Variants in GABRG3 observed in about 807,000 individuals in gnomAD.
The protein encoded by GABRG3 is gamma-aminobutyric acid type A receptor subunit gamma3, also known as gamma-aminobutyric acid receptor subunit gamma-3.
In GABRG3, 25 loss-of-function variants were observed where a neutral mutation model predicts 48.8. The ratio of observed to expected loss-of-function variants is 0.51; its 90% CI spans 0.37 to 0.72. The LOEUF is 0.72. GABRG3 is among the 30% of genes least tolerant of loss of function. GABRG3 has a pLI of 0.00. For synonymous variants in GABRG3, 227 were observed against 217.6 expected (o/e 1.04, Z -0.38); for missense variants, 394 against 577.9 (o/e 0.68, Z 3.26).
chr15:27,161,491 G>A (rs1158993736), intron 3 of GABRG3, among the ~76,000 whole-genome samples: 2 of 152,080 alleles, frequency 1.3e-5, no homozygotes, highest in Non-Finnish European at 2.9e-5. Flanking sequence ...CGTTTTTAAT[G>A]ATGCTTTTTG....
At chr15:27,465,683 T>G (rs1482857294) in intron 5 of GABRG3, among the ~76,000 whole-genome samples, 1 of 152,136 alleles carries the variant, frequency 6.6e-6, no homozygotes, top group African/African-American at 2.4e-5. Flanking sequence ...TCACCCAATC[T>G]CTTATTTATC....
Position 26,971,395 on chromosome 15 carries a change from A to G in GABRG3, c.-141A>G, listed in dbSNP as rs1894838586. 1 of 538,080 alleles carries G rather than the reference A, an allele frequency of 1.9e-6. No individual in the cohort carries two copies. The highest frequency in any genetic ancestry group is 4.5e-5 in the Admixed American group (1 of 22,346). The allele number at this position is 538,080 out of a possible 1,614,324, so 33.3% of individuals were successfully genotyped here. ...CCCGCGGGGGCGCGGCCAGCGCCAGAGTAGATACCTGTCCCGCCCGCCGCG... is the reference window on the plus strand; with the variant it reads ...CCCGCGGGGGCGCGGCCAGCGCCAGGGTAGATACCTGTCCCGCCCGCCGCG... On this transcript the variant is annotated 5_prime_UTR_variant, in exon 1 of 10. Coordinates refer to ENST00000615808, the MANE Select transcript of GABRG3 (RefSeq NM_033223.5).
rs1249373118 is a variant in GABRG3 at position 27,537,026 on chromosome 15, G to A, written c.*4145G>A. ...CGGTTCAGTGCTCTCAAGGCACAAA[G>A]CACTTGGAATTCACTCCATGATCTT... On this transcript the variant is annotated 3_prime_UTR_variant, in exon 10 of 10. Coordinates refer to ENST00000615808, the MANE Select transcript of GABRG3 (RefSeq NM_033223.5). The A allele has an allele frequency of 6.6e-6, 1 of 150,906 alleles. No individual in the cohort carries two copies. Among genetic ancestry groups the A allele is most frequent in the Non-Finnish European group, 1.5e-5 (1 of 67,920 alleles). The allele number at this position is 150,906 out of a possible 1,614,324, so 9.3% of individuals were successfully genotyped here.
intron 5 of GABRG3, among the ~76,000 whole-genome samples, chr15:27,388,323 G>GGTGGGAGGGAGGGAGGA (rs1896091293): frequency 3.3e-5 from 2 of 60,954 alleles, no homozygotes; most frequent in African/African-American, 1.5e-4. Context: ...GGAGGGAAAA[G>GGTGGGAGGGAGGGAGGA]AAGGAAGGAA....
At chr15:27,287,053 G>C (rs1410536923) in intron 3 of GABRG3, among the ~76,000 whole-genome samples, 1 of 152,172 alleles carries the variant, frequency 6.6e-6, no homozygotes, top group Non-Finnish European at 1.5e-5. Flanking sequence ...TGATGGTTTT[G>C]TCCAGTTATT....
chr15:27,297,163 T>C (rs956535929), intron 3 of GABRG3, among the ~76,000 whole-genome samples: 3 of 152,214 alleles, frequency 2.0e-5, no homozygotes, highest in Non-Finnish European at 2.9e-5. Context: ...TGTATAGTAG[T>C]ACATATGTTT....
chr15:27,194,648 T>C (rs890012052), intron 3 of GABRG3, among the ~76,000 whole-genome samples: 1 of 152,236 alleles, frequency 6.6e-6, no homozygotes, highest in Non-Finnish European at 1.5e-5. Flanking sequence ...TTTTTAAACC[T>C]ATATGCAATG....
chr15:27,532,568 A>G (rs2150866889), intron 9 of GABRG3, 32 bp from the exon 10 acceptor site: 3 of 1,604,650 alleles, frequency 1.9e-6, no homozygotes, highest in Non-Finnish European at 2.6e-6. Context: ...TGCATTTTAC[A>G]ATGGTTGTTG....
intron 3 of GABRG3, among the ~76,000 whole-genome samples, chr15:27,247,927 C>A (rs536400196): frequency 1.3e-5 from 2 of 152,270 alleles, no homozygotes; most frequent in South Asian, 4.1e-4. Flanking sequence ...ATGGGAGCCA[C>A]AATTGAAGAT....
At chr15:27,269,965 C>G (rs187687668) in intron 3 of GABRG3, among the ~76,000 whole-genome samples, 2 of 152,150 alleles carry the variant, frequency 1.3e-5, no homozygotes, top group African/African-American at 4.8e-5. Flanking sequence ...CTAATATTAG[C>G]TATGTTATTG....
At chr15:27,150,276 T>A (rs1763968104) in intron 3 of GABRG3, among the ~76,000 whole-genome samples, 1 of 152,202 alleles carries the variant, frequency 6.6e-6, no homozygotes, top group Admixed American at 6.5e-5. Context: ...GTCAGTTTCC[T>A]CTGGGGAGTG....
chr15:27,337,741 C>T (rs1282999101), intron 5 of GABRG3, among the ~76,000 whole-genome samples: 1 of 152,098 alleles, frequency 6.6e-6, no homozygotes, highest in Non-Finnish European at 1.5e-5. Flanking sequence ...TCTCTCAGTT[C>T]CAGATTTGAA....
intron 5 of GABRG3, among the ~76,000 whole-genome samples, chr15:27,463,478 C>T (rs1889509791): frequency 6.6e-6 from 1 of 151,918 alleles, no homozygotes; most frequent in Non-Finnish European, 1.5e-5. Context: ...GGGCCAGAAG[C>T]AGATGACTGT....
At chr15:27,076,318 CTTT>C (rs1230817571) in intron 3 of GABRG3, among the ~76,000 whole-genome samples, 16,851 of 104,684 alleles carry the variant, frequency 0.16, 699 homozygotes, top group Middle Eastern at 0.24. Context: ...AGCCAACTGT[CTTT>C]TTTTTTTTTT....
intron 5 of GABRG3, among the ~76,000 whole-genome samples, chr15:27,473,191 G>A (rs952857938): frequency 1.3e-5 from 2 of 152,124 alleles, no homozygotes; most frequent in East Asian, 1.9e-4. Context: ...GGCACTAACA[G>A]CATCTGAATG....
intron 3 of GABRG3, among the ~76,000 whole-genome samples, chr15:27,079,003 T>C (rs1261924792): frequency 2.0e-5 from 3 of 152,094 alleles, no homozygotes; most frequent in African/African-American, 7.2e-5. Flanking sequence ...CTCATGTCCA[T>C]GGGGGCAGAG....
In GABRG3 at chr15:27,156,318, A is replaced by AAAAG. The variant is rs1566949608; in HGVS notation, c.270+129505_270+129508dup. Among the ~76,000 whole-genome samples, 120 of 146,312 alleles carry AAAAG rather than the reference A, an allele frequency of 8.2e-4. 2 individuals carry two copies. Among genetic ancestry groups the AAAAG allele is most frequent in the Middle Eastern group, 7.0e-3 (2 of 284 alleles). On this transcript the variant is annotated intron_variant, in intron 3 of 9. Coordinates refer to ENST00000615808, the MANE Select transcript of GABRG3 (RefSeq NM_033223.5). ...TGTCTCAAAAAAAAAAAAAAAAAAA[A>AAAAG]AAAGAAAGAAATAGAAGTATTCTGT... is the stretch of plus-strand genomic sequence containing the variant.
At chr15:27,259,603 C>T (rs989959918) in intron 3 of GABRG3, among the ~76,000 whole-genome samples, 3 of 152,150 alleles carry the variant, frequency 2.0e-5, no homozygotes, top group Non-Finnish European at 2.9e-5. Context: ...CCACACCCTT[C>T]CATTGGTAGT....
At chr15:27,095,523 T>C (rs1489975261) in intron 3 of GABRG3, among the ~76,000 whole-genome samples, 1 of 152,130 alleles carries the variant, frequency 6.6e-6, no homozygotes, top group African/African-American at 2.4e-5. Context: ...AGTGAACTTC[T>C]TCCTCGTGGC....
Sources: allele counts gnomAD v4.1 joint callset (sites outside exome capture counted in the v4.1 genomes callset), GRCh38; gene constraint gnomAD v4.1.1; transcripts MANE v1.5; gene names NCBI Gene and HGNC (gene_info 2026-07-23, HGNC 2026-07-21).